Variants in HTR4 observed in about 807,000 individuals in gnomAD.
HTR4 encodes the protein 5-hydroxytryptamine receptor 4.
In HTR4, 16 loss-of-function variants were observed where a neutral mutation model predicts 36.8. The observed-to-expected ratio is 0.43, with a 90% confidence interval of 0.29 to 0.66. The LOEUF (loss-of-function observed/expected upper bound fraction) is 0.66. HTR4 is among the 30% of genes least tolerant of loss of function. The pLI, the probability that HTR4 is intolerant of heterozygous loss-of-function variation, is 0.13. For missense variants in HTR4, 438 were observed against 490.9 expected, an observed-to-expected ratio of 0.89 and a Z score of 1.02; for synonymous variants, 189 against 185.1, an observed-to-expected ratio of 1.02 and a Z score of -0.17.
intron 6 of HTR4, among the ~76,000 whole-genome samples, chr5:148,508,131 TTTCTTTTC>T (rs1757310177): frequency 1.3e-5 from 2 of 152,202 alleles, no homozygotes; most frequent in Non-Finnish European, 2.9e-5. Flanking sequence ...AATTCTTATT[TTTCTTTTC>T]TTCTTTTCTT....
At chr5:148,516,312 C>CTTTTTTTTTTTTTTTTTT (rs954784476) in intron 5 of HTR4, among the ~76,000 whole-genome samples, 11 of 76,492 alleles carry the variant, frequency 1.4e-4, no homozygotes, top group South Asian at 5.1e-4. Context: ...ATTCCCCCCT[C>CTTTTTTTTTTTTTTTTTT]TTTTTTTTTT....
At chr5:148,537,231 CA>C (rs1236737798) in intron 4 of HTR4, among the ~76,000 whole-genome samples, 1 of 151,946 alleles carries the variant, frequency 6.6e-6, no homozygotes, top group Admixed American at 6.6e-5. Flanking sequence ...TGGAACACAG[CA>C]AAGGCAGTAT....
At chr5:148,521,643 C>CTACACAAACA (rs1212462475) in intron 5 of HTR4, among the ~76,000 whole-genome samples, 1 of 151,998 alleles carries the variant, frequency 6.6e-6, no homozygotes, top group Non-Finnish European at 1.5e-5. Flanking sequence ...TTCTCTCTCT[C>CTACACAAACA]TACACAAACA....
At chr5:148,617,115 G>T (rs1251862615) in intron 2 of HTR4, among the ~76,000 whole-genome samples, 1 of 152,198 alleles carries the variant, frequency 6.6e-6, no homozygotes, top group Non-Finnish European at 1.5e-5. Context: ...GTAGGAGGTG[G>T]CTGGATCATG....
At position 148,576,127 on chromosome 5, in the gene HTR4, A is replaced by AAAAAAAAAAAAAAAAAAAAAT. The variant is rs1217340461; in HGVS notation, c.27-25866_27-25865insATTTTTTTTTTTTTTTTTTTT. On this transcript the variant is annotated intron_variant, in intron 2 of 6. Transcript: ENST00000377888. Reference sequence around the variant, plus strand: ...CTCCGTCTCAAAAAAAAAAAAAAAAAAAAAAACAAAATCAATGTAAAAAAT... The same window carrying AAAAAAAAAAAAAAAAAAAAAT: ...CTCCGTCTCAAAAAAAAAAAAAAAAAAAAAAAAAAAAAAAAAAAAATAAAAAACAAAATCAATGTAAAAAAT... Among the ~76,000 whole-genome samples the AAAAAAAAAAAAAAAAAAAAAT allele has an allele frequency of 1.3e-5, 2 of 149,356 alleles. 1 individual carries two copies. Among genetic ancestry groups the AAAAAAAAAAAAAAAAAAAAAT allele is most frequent in the African/African-American group, 4.9e-5 (2 of 40,808 alleles).
At chr5:148,580,157 A>G (rs1464511555) in intron 2 of HTR4, among the ~76,000 whole-genome samples, 2 of 152,036 alleles carry the variant, frequency 1.3e-5, no homozygotes, top group Non-Finnish European at 2.9e-5. Context: ...TGCAGAGAAA[A>G]AGTCAATTAG....
At chr5:148,509,341 T>A in intron 6 of HTR4, 115 bp downstream of exon 6, 1 of 736,632 alleles carries the variant, frequency 1.4e-6, no homozygotes. Flanking sequence ...TTTATAATCT[T>A]TGCAAACTCT....
At chr5:148,577,497 A>G (rs1270254575) in intron 2 of HTR4, among the ~76,000 whole-genome samples, 2 of 152,096 alleles carry the variant, frequency 1.3e-5, no homozygotes, top group Non-Finnish European at 1.5e-5. Flanking sequence ...AAATCATTCT[A>G]CCATAAAGAC....
chr5:148,544,121 C>T (rs977249942), intron 4 of HTR4, among the ~76,000 whole-genome samples: 33 of 150,870 alleles, frequency 2.2e-4, no homozygotes, highest in African/African-American at 7.7e-4. Context: ...AACTGAAGGC[C>T]CCCAACCCCA....
At chr5:148,466,002 A>AG in intron 5 of HTR4, 1 of 1,577,356 alleles carries the variant, frequency 6.3e-7, no homozygotes, top group Non-Finnish European at 8.6e-7. Context: ...GAAAAAAAAA[A>AG]CATAGAGATT....
At chr5:148,561,942 T>A (rs1344012557) in intron 2 of HTR4, among the ~76,000 whole-genome samples, 4 of 152,190 alleles carry the variant, frequency 2.6e-5, no homozygotes, top group African/African-American at 9.7e-5. Context: ...TGGATACAGC[T>A]CTCCATATTT....
At chr5:148,649,869 T>C (rs1753982183) in intron 1 of HTR4, among the ~76,000 whole-genome samples, 1 of 152,124 alleles carries the variant, frequency 6.6e-6, no homozygotes, top group Non-Finnish European at 1.5e-5. Flanking sequence ...GCATTGTGAG[T>C]TTCATTTTCG....
At chr5:148,573,610 T>C (rs1048367055) in intron 2 of HTR4, among the ~76,000 whole-genome samples, 6 of 152,006 alleles carry the variant, frequency 3.9e-5, no homozygotes, top group African/African-American at 1.2e-4. Flanking sequence ...CTCACCCAAC[T>C]ATAAGGAGGA....
intron 2 of HTR4, among the ~76,000 whole-genome samples, chr5:148,576,126 A>AAAAAAAC (rs1760902437): frequency 1.3e-5 from 2 of 149,294 alleles, no homozygotes; most frequent in African/African-American, 4.9e-5. Context: ...AAAAAAAAAA[A>AAAAAAAC]AAAAAAACAA....
At chr5:148,539,205 A>G (rs1758983877) in intron 4 of HTR4, among the ~76,000 whole-genome samples, 1 of 152,204 alleles carries the variant, frequency 6.6e-6, no homozygotes, top group Non-Finnish European at 1.5e-5. Context: ...CCTTTCTTAC[A>G]CCATATACAA....
intron 4 of HTR4, among the ~76,000 whole-genome samples, chr5:148,544,602 ACT>A (rs1759295024): frequency 6.6e-6 from 1 of 152,174 alleles, no homozygotes; most frequent in Non-Finnish European, 1.5e-5. Context: ...AAAAAAATCA[ACT>A]GTACTCTAAA....
intron 2 of HTR4, among the ~76,000 whole-genome samples, chr5:148,621,303 G>C (rs1752910409): frequency 6.6e-6 from 1 of 152,164 alleles, no homozygotes; most frequent in Non-Finnish European, 1.5e-5. Flanking sequence ...AGTAAGCTTT[G>C]GCCTTGACAT....
At chr5:148,604,253 C>A (rs147119555) in intron 2 of HTR4, among the ~76,000 whole-genome samples, 2,514 of 151,980 alleles carry the variant, frequency 0.017, 31 homozygotes, top group Middle Eastern at 0.055. Flanking sequence ...TTGCAACATG[C>A]GTATCTGAAA....
chr5:148,639,008 C>T (rs1269281265), intron 1 of HTR4, among the ~76,000 whole-genome samples: 7 of 151,982 alleles, frequency 4.6e-5, no homozygotes, highest in Non-Finnish European at 8.8e-5. Context: ...GATCACGCTA[C>T]TGTACTCCAG....
Sources: allele counts gnomAD v4.1 joint callset (sites outside exome capture counted in the v4.1 genomes callset), GRCh38; gene constraint gnomAD v4.1.1; transcripts MANE v1.5; gene names NCBI Gene and HGNC (gene_info 2026-07-23, HGNC 2026-07-21).